Variants in SRPRB observed in about 807,000 individuals in gnomAD.
SRPRB encodes signal recognition particle receptor subunit beta.
In SRPRB, 20 loss-of-function variants were observed where a neutral mutation model predicts 31.9. That is an observed-to-expected ratio of 0.63 (90% CI 0.44 to 0.91). SRPRB has a LOEUF of 0.91. SRPRB is among the 40% of genes least tolerant of loss of function. The pLI is 0.00. For missense variants in SRPRB, 321 were observed against 324.9 expected (o/e 0.99, Z 0.09); for synonymous variants, 146 against 132.8 (o/e 1.10, Z -0.68).
chr3:133,825,693 T>C (rs954924364), downstream of SRPRB: 1 of 152,204 alleles, frequency 6.6e-6, no homozygotes, highest in African/African-American at 2.4e-5. Context: ...TACACTCAAC[T>C]TTCCTGATGC....
upstream of SRPRB, among the ~76,000 whole-genome samples, chr3:133,802,554 G>A (rs1935078137): frequency 1.3e-5 from 2 of 151,902 alleles, no homozygotes. Flanking sequence ...TTATCCCCTT[G>A]AGCTCAGACT....
downstream of SRPRB, chr3:133,826,858 G>GAA: frequency 6.5e-6 from 1 of 152,784 alleles, no homozygotes; most frequent in East Asian, 1.9e-4. Flanking sequence ...GAGAGCAGGA[G>GAA]AAACAAGAAT....
At chr3:133,788,771 T>G (rs1934755904) in intron 1 of SRPRB, 2 of 152,214 alleles carry the variant, frequency 1.3e-5, no homozygotes. Context: ...GGTCCCTGAT[T>G]CCTATGTGTG....
intron 1 of SRPRB, chr3:133,784,193 C>T (rs1292847745): frequency 1.3e-5 from 2 of 152,266 alleles, no homozygotes; most frequent in African/African-American, 2.4e-5. Context: ...GGCCATCGCC[C>T]AGCTCGTCTT....
At chr3:133,806,126 C>T in intron 1 of SRPRB, 124 bp downstream of exon 1, 1 of 1,306,376 alleles carries the variant, frequency 7.7e-7, no homozygotes, top group Non-Finnish European at 1.0e-6. Flanking sequence ...AGGGTGAGAC[C>T]CACCCAGTCT....
At chr3:133,826,020 G>A (rs970929402), downstream of SRPRB, 13 of 152,234 alleles carry the variant, frequency 8.5e-5, no homozygotes, top group Middle Eastern at 3.2e-3. Flanking sequence ...TGCAAGCAAG[G>A]GGACAGGGAT....
At chr3:133,808,050 C>T (rs1316585548) in intron 3 of SRPRB, among the ~76,000 whole-genome samples, 1 of 151,908 alleles carries the variant, frequency 6.6e-6, no homozygotes, top group African/African-American at 2.4e-5. Flanking sequence ...TGTTATATCA[C>T]ATTTTATTCT....
At chr3:133,799,439 T>C (rs978516045) in intron 1 of SRPRB, among the ~76,000 whole-genome samples, 29 of 152,302 alleles carry the variant, frequency 1.9e-4, no homozygotes, top group Non-Finnish European at 4.3e-4. Flanking sequence ...TATATAATCA[T>C]ATATTTGAAT....
chr3:133,791,073 G>A (rs1934819788), intron 1 of SRPRB: 2 of 151,900 alleles, frequency 1.3e-5, no homozygotes, highest in South Asian at 4.2e-4. Context: ...ATTTCTAGTG[G>A]AAGGCTTTTA....
intron 1 of SRPRB, chr3:133,784,471 A>AATAATAATAAT (rs1553741976): frequency 3.8e-5 from 4 of 105,602 alleles, no homozygotes; most frequent in Non-Finnish European, 8.1e-5. Flanking sequence ...TTTGTTAAAA[A>AATAATAATAAT]AATAATAATA....
At chr3:133,816,536 G>A (rs578176394) in intron 5 of SRPRB, among the ~76,000 whole-genome samples, 1 of 152,290 alleles carries the variant, frequency 6.6e-6, no homozygotes, top group East Asian at 1.9e-4. Flanking sequence ...GCATGTGAAG[G>A]CACTTCTCAT....
downstream of SRPRB, chr3:133,827,746 ACCCCCCCC>A (rs55951806): frequency 2.8e-5 from 2 of 72,114 alleles, 1 homozygote; most frequent in Non-Finnish European, 5.5e-5. Context: ...TGCAGACAAC[ACCCCCCCC>A]CCCCCCCGCC....
downstream of SRPRB, chr3:133,824,693 T>C (rs1935528961): frequency 6.6e-6 from 1 of 152,142 alleles, no homozygotes; most frequent in African/African-American, 2.4e-5. Flanking sequence ...AGAGTAGACT[T>C]GGGGACTGGC....
intron 4 of SRPRB, among the ~76,000 whole-genome samples, chr3:133,814,803 TC>T (rs1477776376): frequency 1.3e-5 from 2 of 152,202 alleles, no homozygotes; most frequent in Non-Finnish European, 2.9e-5. Context: ...TCTCTTTGTT[TC>T]TGTCACATGA....
intron 4 of SRPRB, 33 bp downstream of exon 4, chr3:133,811,232 AGG>A: frequency 6.2e-7 from 1 of 1,604,532 alleles, no homozygotes; most frequent in Non-Finnish European, 8.5e-7. Context: ...GGGCTTGTCT[AGG>A]TCTGTATCTG....
rs760495870 is a variant in SRPRB, at chr3:133,806,019, G to A, written c.154+17G>A. 3.1e-6 allele frequency: 5 copies of A among 1,609,652 alleles called. No individual in the cohort carries two copies. The African/African-American group carries it at 6.7e-5, about 21-fold the overall frequency. ...TGACGCTAGGTAAAAGGCGGCCGGT[G>A]GTCATGGCGGGTTTGGGGCGGGCAG... is the stretch of plus-strand genomic sequence containing the variant. On this transcript the variant is annotated intron_variant, in intron 1 of 6. Coordinates refer to ENST00000678299, the MANE Select transcript of SRPRB (RefSeq NM_001379313.1).
intron 1 of SRPRB, among the ~76,000 whole-genome samples, chr3:133,798,888 A>G (rs1935019884): frequency 6.6e-6 from 1 of 152,156 alleles, no homozygotes; most frequent in Admixed American, 6.5e-5. Context: ...TATTTTAAAA[A>G]CATTAAAAAA....
chr3:133,807,190 T>C (rs1384071296), intron 2 of SRPRB, among the ~76,000 whole-genome samples: 3 of 152,062 alleles, frequency 2.0e-5, no homozygotes, highest in Non-Finnish European at 4.4e-5. Flanking sequence ...GGTTTTCTGC[T>C]TTTTAACTCT....
At chr3:133,786,678 C>A (rs966489780) in intron 1 of SRPRB, 2 of 152,174 alleles carry the variant, frequency 1.3e-5, no homozygotes, top group Non-Finnish European at 2.9e-5. Flanking sequence ...GAAAGACAGT[C>A]TTCTGAAAAT....
Sources: allele counts gnomAD v4.1 joint callset (sites outside exome capture counted in the v4.1 genomes callset), GRCh38; gene constraint gnomAD v4.1.1; transcripts MANE v1.5; gene names NCBI Gene and HGNC (gene_info 2026-07-23, HGNC 2026-07-21).